The following CAMTA1 variants were observed in gnomAD, a reference collection of about 807,000 sequenced individuals.
CAMTA1 encodes calmodulin-binding transcription activator 1.
Under a neutral mutation model 170.9 loss-of-function variants are expected in CAMTA1, and 27 were observed. The observed-to-expected ratio is 0.16, with a 90% CI of 0.12 to 0.22. The LOEUF is 0.22. Ranked by LOEUF, CAMTA1 falls within the 10% of genes least tolerant of loss-of-function variation. The probability of loss-of-function intolerance (pLI) is 1.00; values close to 1 mark genes in which losing one functional copy is unlikely to be tolerated. For synonymous variants in CAMTA1, 833 were observed against 891.5 expected (o/e 0.93, Z 1.17); for missense variants, 1,619 against 2,217.2 (o/e 0.73, Z 5.42).
chr1:7,754,241 T>C (rs1259528659), intron 21 of CAMTA1, among the ~76,000 whole-genome samples: 2 of 152,202 alleles, frequency 1.3e-5, no homozygotes, highest in Admixed American at 1.3e-4. Flanking sequence ...GTTAATACTT[T>C]CCAGATAGAT....
rs12743474 is a variant in CAMTA1, at chr1:7,457,779, C to T, written c.439-10051C>T. The stretch of plus-strand genomic sequence containing the variant: ...CATCCAGACCGAGGGGCCCTCCTTC[C>T]TGTTCCCCATTCGACGGCACACCTG... On this transcript the variant is annotated intron_variant, in intron 5 of 22. Coordinates refer to ENST00000303635, the MANE Select transcript of CAMTA1 (RefSeq NM_015215.4). Among the ~76,000 whole-genome samples, 1,297 of 152,314 alleles carry T rather than the reference C, an allele frequency of 8.5e-3. 8 individuals are homozygous for T. The highest frequency in any genetic ancestry group is 0.01 in the Non-Finnish European group (708 of 68,032).
In CAMTA1 at chr1:7,751,432, G is replaced by A. The variant is rs533653551; in HGVS notation, c.4883+40G>A. ...GCTCATGGAGGTAAAGCTCCCTAGG[G>A]AAGAGAACTCTGACTTCTTTGAAAG... On this transcript the variant is annotated intron_variant, in intron 20 of 22. Coordinates refer to ENST00000303635, the MANE Select transcript of CAMTA1 (RefSeq NM_015215.4). The A allele has an allele frequency of 4.6e-6, 7 of 1,508,236 alleles. No individual in the cohort carries two copies. The South Asian group carries it at 9.3e-5, about 20-fold the overall frequency. The allele number at this position is 1,508,236 out of a possible 1,614,324, so 93.4% of individuals were successfully genotyped here. A position where few individuals can be genotyped will look rare whatever the true frequency, so the allele number is the denominator to read the frequency against.
At chr1:7,247,227 A>C (rs558320582) in intron 4 of CAMTA1, among the ~76,000 whole-genome samples, 13 of 152,364 alleles carry the variant, frequency 8.5e-5, no homozygotes, top group African/African-American at 2.9e-4. Flanking sequence ...TATCCTGCTG[A>C]AAGTGCCGGA....
At position 7,455,817 on chromosome 1, in the gene CAMTA1, G is replaced by A. The variant is rs771044457; in HGVS notation, c.439-12013G>A. On this transcript the variant is annotated intron_variant, in intron 5 of 22. Transcript: ENST00000303635. This position sits in a 1 kb window ranked among gnomAD's most constrained non-coding sequence, Gnocchi z 5.0. ...ATTTCTGGGCAGCACTTGGCCCTCC[G>A]TGCCGTCCAGAATGGCCTCGGGGAG... Among the ~76,000 whole-genome samples the A allele has an allele frequency of 2.0e-5, 3 of 152,232 alleles. No homozygotes were observed. Among genetic ancestry groups the A allele is most frequent in the East Asian group, 1.9e-4 (1 of 5,190 alleles).
chr1:7,349,743 G>A (rs747765136), intron 5 of CAMTA1, among the ~76,000 whole-genome samples: 9 of 152,176 alleles, frequency 5.9e-5, no homozygotes, highest in Non-Finnish European at 8.8e-5. Context: ...TATCATCTGC[G>A]AAGACTCGCT....
rs1369777072 is a variant in CAMTA1 at position 6,934,350 on chromosome 1, T to C, written c.234+109140T>C. Among the ~76,000 whole-genome samples, 3 of 152,092 alleles carry C rather than the reference T, an allele frequency of 2.0e-5. No individual in the cohort carries two copies. On this transcript the variant is annotated intron_variant, in intron 3 of 22. Coordinates refer to ENST00000303635, the MANE Select transcript of CAMTA1 (RefSeq NM_015215.4). The surrounding 1 kb of genome is among the most constrained non-coding windows in gnomAD (Gnocchi z 4.5). Reference sequence around the variant, plus strand: ...GGCATGGCAGAGGAACCACCCCTCTTGTAAAAGAGGCACACACAGCCCTCC... The same window carrying C: ...GGCATGGCAGAGGAACCACCCCTCTCGTAAAAGAGGCACACACAGCCCTCC...
Position 7,276,303 on chromosome 1 carries a change from A to ATATATAT in CAMTA1, c.438+26678_438+26679insATATATT. ...CATATATATATATATATATATATAT[A>ATATATAT]TTTTTTTTTTTTTTTTTTCTTTTTG... On this transcript the variant is annotated intron_variant, in intron 5 of 22. Transcript: ENST00000303635. Among the ~76,000 whole-genome samples, 5 of 24,230 alleles carry ATATATAT rather than the reference A, an allele frequency of 2.1e-4. 1 individual carries two copies. The highest frequency in any genetic ancestry group is 1.5e-3 in the African/African-American group (5 of 3,362). 15.9% of individuals were successfully genotyped at this position (24,230 alleles called of 152,430 possible). A position where few individuals can be genotyped will look rare whatever the true frequency, so the allele number is the denominator to read the frequency against.
intron 3 of CAMTA1, chr1:6,886,193 A>G: frequency 2.2e-6 from 1 of 455,324 alleles, no homozygotes; most frequent in Non-Finnish European, 4.4e-6. Flanking sequence ...AAACTTAATA[A>G]GTGTTTTGGA....
At position 7,063,971 on chromosome 1, in the gene CAMTA1, A is replaced by G. The variant is rs1167493403; in HGVS notation, c.235-27333A>G. On this transcript the variant is annotated intron_variant, in intron 3 of 22. Coordinates refer to ENST00000303635, the MANE Select transcript of CAMTA1 (RefSeq NM_015215.4). This position sits in a 1 kb window ranked among gnomAD's most constrained non-coding sequence, Gnocchi z 4.3. ...AACAGTTCTGGAGGCTGGGAAGTCC[A>G]AGATTAAGGCACTGGCAGATTCGAT... Among the ~76,000 whole-genome samples, 3 of 152,216 alleles carry G rather than the reference A, an allele frequency of 2.0e-5. No homozygotes were observed. The highest frequency in any genetic ancestry group is 7.2e-5 in the African/African-American group (3 of 41,454).
At chr1:7,181,528 T>C (rs999178370) in intron 4 of CAMTA1, among the ~76,000 whole-genome samples, 20 of 152,186 alleles carry the variant, frequency 1.3e-4, no homozygotes, top group Admixed American at 2.0e-4. Context: ...AATAAAATCA[T>C]TATGGTAGCA....
chr1:6,868,641 C>A (rs1667470535), intron 3 of CAMTA1, among the ~76,000 whole-genome samples: 1 of 151,242 alleles, frequency 6.6e-6, no homozygotes, highest in African/African-American at 2.4e-5. Flanking sequence ...TGGTGTGGGG[C>A]AGGGAGGGAG....
intron 3 of CAMTA1, among the ~76,000 whole-genome samples, chr1:7,015,898 GC>G (rs1387633858): frequency 6.6e-6 from 1 of 152,190 alleles, no homozygotes; most frequent in Non-Finnish European, 1.5e-5. Flanking sequence ...CATGGCTGGA[GC>G]AGGAGGAAGA....
At chr1:6,928,714 C>T (rs900303801) in intron 3 of CAMTA1, among the ~76,000 whole-genome samples, 4 of 152,188 alleles carry the variant, frequency 2.6e-5, no homozygotes, top group African/African-American at 9.7e-5. Context: ...ACCTGGGGTT[C>T]CATTATCAGG....
chr1:7,231,038 A>G (rs1662696054), intron 4 of CAMTA1, among the ~76,000 whole-genome samples: 1 of 152,138 alleles, frequency 6.6e-6, no homozygotes. Context: ...AAGGAGGCCA[A>G]CTGGGTCACA....
At chr1:7,194,857 T>C (rs1655220052) in intron 4 of CAMTA1, among the ~76,000 whole-genome samples, 2 of 152,224 alleles carry the variant, frequency 1.3e-5, no homozygotes, top group South Asian at 4.1e-4. Flanking sequence ...GTGATTTTTA[T>C]TTTCTGCTTC....
At chr1:6,797,705 G>A (rs1468086993) in intron 1 of CAMTA1, among the ~76,000 whole-genome samples, 1 of 151,898 alleles carries the variant, frequency 6.6e-6, no homozygotes, top group Non-Finnish European at 1.5e-5. Flanking sequence ...CTTTTTAAAT[G>A]CCATAACAAC....
intron 4 of CAMTA1, among the ~76,000 whole-genome samples, chr1:7,149,484 C>T (rs1008870611): frequency 1.3e-5 from 2 of 152,226 alleles, no homozygotes; most frequent in Non-Finnish European, 2.9e-5. Context: ...TCGGCTCAGG[C>T]TGGTAGTCTG....
At chr1:7,022,703 A>G (rs997523349) in intron 3 of CAMTA1, among the ~76,000 whole-genome samples, 2 of 152,114 alleles carry the variant, frequency 1.3e-5, no homozygotes, top group African/African-American at 4.8e-5. Context: ...TCTAGGGCTT[A>G]ACGTGTTCTT....
At chr1:7,072,131 G>T (rs1323468341) in intron 3 of CAMTA1, among the ~76,000 whole-genome samples, 1 of 152,222 alleles carries the variant, frequency 6.6e-6, no homozygotes, top group Non-Finnish European at 1.5e-5. Context: ...CAGCTGAGCT[G>T]AACGACACGT....
Sources: allele counts gnomAD v4.1 joint callset (sites outside exome capture counted in the v4.1 genomes callset), GRCh38; gene constraint gnomAD v4.1.1; non-coding constraint Gnocchi (gnomAD v3.1); transcripts MANE v1.5; gene names NCBI Gene and HGNC (gene_info 2026-07-23, HGNC 2026-07-21).